Variants in MIPEP observed in about 807,000 individuals in gnomAD.
The protein encoded by MIPEP is mitochondrial intermediate peptidase.
A neutral mutation model predicts 90.3 loss-of-function variants in MIPEP; 79 were observed. The observed-to-expected ratio is 0.87, with a 90% CI of 0.73 to 1.05. MIPEP has a LOEUF of 1.05. MIPEP is among the 50% of genes least tolerant of loss of function. The pLI is 0.00. For missense variants in MIPEP, 940 were observed against 905.6 expected, an observed-to-expected ratio of 1.04 and a Z score of -0.49; for synonymous variants, 334 against 315.8, an observed-to-expected ratio of 1.06 and a Z score of -0.61.
intron 2 of MIPEP, among the ~76,000 whole-genome samples, 195 bp downstream of exon 2, chr13:23,886,138 A>G (rs1481058282): frequency 6.6e-6 from 1 of 152,164 alleles, no homozygotes; most frequent in Admixed American, 6.5e-5. Flanking sequence ...AGTTCTAAAT[A>G]TCACCTTTTC....
intron 16 of MIPEP, among the ~76,000 whole-genome samples, chr13:23,788,837 T>G (rs1952873837): frequency 6.6e-6 from 1 of 152,252 alleles, no homozygotes; most frequent in African/African-American, 2.4e-5. Flanking sequence ...ATGTAAACTC[T>G]TCAGGTTCTT....
intron 16 of MIPEP, among the ~76,000 whole-genome samples, chr13:23,796,589 A>C (rs1014803485): frequency 3.2e-4 from 48 of 151,898 alleles, no homozygotes; most frequent in Non-Finnish European, 5.9e-4. Flanking sequence ...TACTAAAAAA[A>C]AAAAACAAAA....
chr13:23,889,313 C>A lies in MIPEP; in HGVS notation c.8G>T (p.Cys3Phe). MLCVGRLGGLGAR... is the reference protein window; with the variant it reads MLFVGRLGGLGAR... ...TCCCAAGCCGCCCAGCCTTCCGACG[C>A]ACAGCATTCTAGCACCAGAGCAGTC... Residue 3 changes from cysteine (C) to phenylalanine (F), a missense_variant, in exon 1 of 19, where the codon TGC becomes TTC. Physicochemically the swap from Cys to Phe is radical, Grantham distance 205. Coordinates refer to ENST00000382172, the MANE Select transcript of MIPEP (RefSeq NM_005932.4). 7.4e-7 allele frequency: 1 copy of A among 1,346,684 alleles called. No homozygotes were observed. The highest frequency in any genetic ancestry group is 1.8e-5 in the South Asian group (1 of 54,392). The allele number at this position is 1,346,684 out of a possible 1,614,324, so 83.4% of individuals were successfully genotyped here.
chr13:23,849,377 C>T (rs1228725400), intron 10 of MIPEP, among the ~76,000 whole-genome samples: 1 of 152,252 alleles, frequency 6.6e-6, no homozygotes, highest in Non-Finnish European at 1.5e-5. Flanking sequence ...CCACCTCAGA[C>T]TCTTCTACAG....
At position 23,730,362 on chromosome 13, in the gene MIPEP, T is replaced by G; in HGVS notation, c.2128A>C (p.Met710Leu). Residue 710 changes from methionine (M) to leucine (L), a missense_variant, in exon 19 of 19, where the codon ATG becomes CTG. Physicochemically the swap from Met to Leu is conservative, Grantham distance 15 (BLOSUM62 2). Transcript: ENST00000382172. ...GAGTGTTTCTTTTATTCAGAATCCA[T>G]GAGGAAAGTTTCGAAGTCCAGATCC... The part of the protein sequence containing the change: ...DLDLDFETFL[M>L]DSE The G allele has an allele frequency of 1.2e-6, 2 of 1,609,690 alleles. No homozygotes were observed. The highest frequency in any genetic ancestry group is 1.1e-5 in the South Asian group (1 of 90,756).
chr13:23,792,547 T>C (rs1250575124), intron 16 of MIPEP, among the ~76,000 whole-genome samples: 4 of 152,178 alleles, frequency 2.6e-5, no homozygotes, highest in Non-Finnish European at 5.9e-5. Flanking sequence ...GCCCAGATAA[T>C]TTTTTAGTCT....
chr13:23,802,323 C>T (rs1221570863), intron 16 of MIPEP, among the ~76,000 whole-genome samples: 13 of 152,148 alleles, frequency 8.5e-5, no homozygotes, highest in Admixed American at 8.5e-4. Context: ...ACCTGTAATC[C>T]TAGCACTTTG....
intron 12 of MIPEP, among the ~76,000 whole-genome samples, chr13:23,839,299 T>C (rs879671049): frequency 2.6e-5 from 4 of 152,202 alleles, no homozygotes; most frequent in Non-Finnish European, 5.9e-5. Flanking sequence ...TTCAGTTTCC[T>C]CATAATGTGA....
intron 17 of MIPEP, 68 bp from the exon 18 acceptor site, chr13:23,756,686 T>A: frequency 6.7e-7 from 1 of 1,491,038 alleles, no homozygotes; most frequent in Non-Finnish European, 9.3e-7. Flanking sequence ...TCTTGAATTC[T>A]CAAAGAAAGC....
intron 16 of MIPEP, among the ~76,000 whole-genome samples, chr13:23,792,020 T>C (rs1028206439): frequency 1.4e-4 from 22 of 152,352 alleles, no homozygotes; most frequent in African/African-American, 5.3e-4. Context: ...TTTTCTTCAG[T>C]TGGTTCCAAG....
intron 2 of MIPEP, among the ~76,000 whole-genome samples, chr13:23,884,854 TATACCATGTAGACAGG>T (rs1357608941): frequency 6.6e-6 from 1 of 152,230 alleles, no homozygotes; most frequent in African/African-American, 2.4e-5. Context: ...TATGCAGTTC[TATACCATGTAGACAGG>T]ATCATAAATG....
chr13:23,839,618 TAG>T (rs1432745004), intron 12 of MIPEP, 29 bp downstream of exon 12: 3 of 1,531,920 alleles, frequency 2.0e-6, no homozygotes, highest in African/African-American at 2.8e-5. Context: ...CGATCGGTTC[TAG>T]AGAGACCAGT....
chr13:23,786,253 G>A (rs1010159288), intron 16 of MIPEP, among the ~76,000 whole-genome samples: 10 of 151,642 alleles, frequency 6.6e-5, no homozygotes, highest in Non-Finnish European at 1.3e-4. Context: ...AACTAAAGCT[G>A]GTTCCAAATT....
intron 16 of MIPEP, among the ~76,000 whole-genome samples, chr13:23,775,385 C>A (rs1435935539): frequency 6.6e-6 from 1 of 152,140 alleles, no homozygotes; most frequent in East Asian, 1.9e-4. Flanking sequence ...CAGCTGTGGG[C>A]TTTTTCTAGG....
intron 18 of MIPEP, among the ~76,000 whole-genome samples, chr13:23,747,280 G>C (rs187166786): frequency 3.9e-5 from 6 of 152,152 alleles, no homozygotes; most frequent in Non-Finnish European, 7.3e-5. Context: ...TCTCCTTCCT[G>C]CATGCTGCTT....
At chr13:23,868,023 G>GA (rs1870616234) in intron 7 of MIPEP, among the ~76,000 whole-genome samples, 1 of 151,630 alleles carries the variant, frequency 6.6e-6, no homozygotes, top group African/African-American at 2.4e-5. Flanking sequence ...TCACCAAACT[G>GA]ATACTTACAA....
chr13:23,788,920 C>T (rs1952874561), intron 16 of MIPEP, among the ~76,000 whole-genome samples: 1 of 152,224 alleles, frequency 6.6e-6, no homozygotes, highest in Non-Finnish European at 1.5e-5. Context: ...GAGCAATCCT[C>T]CTACCTCAGC....
intron 16 of MIPEP, among the ~76,000 whole-genome samples, chr13:23,789,252 G>A (rs577164272): frequency 6.6e-5 from 10 of 152,266 alleles, no homozygotes; most frequent in African/African-American, 1.9e-4. Flanking sequence ...TATTCATCAT[G>A]TTTTATGAGA....
At chr13:23,765,460 C>T (rs1301212452) in intron 16 of MIPEP, among the ~76,000 whole-genome samples, 3 of 152,130 alleles carry the variant, frequency 2.0e-5, no homozygotes, top group Non-Finnish European at 4.4e-5. Context: ...ATAAATGTCA[C>T]TTTATCATAG....
Sources: gnomAD v4.1 joint callset for allele counts (sites outside exome capture counted in the v4.1 genomes callset) on GRCh38, gnomAD v4.1.1 for gene constraint, MANE v1.5 for transcripts, NCBI Gene and HGNC (gene_info 2026-07-23, HGNC 2026-07-21) for gene names.